Variants in TNRC18 observed in about 807,000 individuals in gnomAD.
TNRC18 encodes the protein trinucleotide repeat-containing gene 18 protein.
A neutral mutation model predicts 226.7 loss-of-function variants in TNRC18; 69 were observed. The observed-to-expected ratio is 0.30, with a 90% CI of 0.25 to 0.37. The LOEUF (loss-of-function observed/expected upper bound fraction) is 0.37. Ranked by LOEUF, TNRC18 falls within the 10% of genes least tolerant of loss-of-function variation. The pLI is 1.00. For synonymous variants in TNRC18, 2,449 were observed against 1,927.6 expected (o/e 1.27, Z -7.09); for missense variants, 4,754 against 4,256.6 (o/e 1.12, Z -3.25).
chr7:5,418,914 T>C (rs1782360161), intron 2 of TNRC18, among the ~76,000 whole-genome samples: 1 of 152,170 alleles, frequency 6.6e-6, no homozygotes, highest in East Asian at 1.9e-4. Flanking sequence ...CGAGGTCTCC[T>C]TGCGGCTACT....
At position 5,374,404 on chromosome 7, in the gene TNRC18, C is replaced by T. The variant is rs1372172143; in HGVS notation, c.2880G>A (p.Lys960=). The change falls in exon 10 of 30, where the codon AAG becomes AAA. Residue 960 remains lysine, a synonymous_variant. Coordinates refer to ENST00000430969, the MANE Select transcript of TNRC18 (RefSeq NM_001080495.3). The part of the protein sequence containing the change: ...GSKRGLEAAG[K]AGLATAGPGL... ...CGGGGCCGGCGGTGGCCAGGCCAGCCTTGCCCGCAGCCTCCAGGCCCCGCT... is the reference window on the plus strand; with the variant it reads ...CGGGGCCGGCGGTGGCCAGGCCAGCTTTGCCCGCAGCCTCCAGGCCCCGCT... 2 of 1,534,400 alleles carry T rather than the reference C, an allele frequency of 1.3e-6. No homozygotes were observed. The highest frequency in any genetic ancestry group is 1.8e-6 in the Non-Finnish European group (2 of 1,140,444).
In TNRC18 at chr7:5,421,366, G is replaced by T; in HGVS notation, c.-120C>A. On this transcript the variant is annotated 5_prime_UTR_variant, in exon 2 of 30. The change creates a premature stop within an existing upstream ORF in the 5' untranslated region. Transcript: ENST00000430969. ...TCGGGCGGCGGGGGCTCCGCGGCGTGCATGGCGGCGGCCAGCGGGGCTTGC... is the reference window on the plus strand; with the variant it reads ...TCGGGCGGCGGGGGCTCCGCGGCGTTCATGGCGGCGGCCAGCGGGGCTTGC... The T allele has an allele frequency of 1.0e-6, 1 of 979,144 alleles. No homozygotes were observed. 60.7% of individuals were successfully genotyped at this position (979,144 alleles called of 1,614,324 possible). A position where few individuals can be genotyped will look rare whatever the true frequency, so the allele number is the denominator to read the frequency against.
At chr7:5,308,752 G>C (rs908722531) in intron 29 of TNRC18, 123 bp downstream of exon 29, 110 of 1,054,270 alleles carry the variant, frequency 1.0e-4, no homozygotes, top group Admixed American at 2.3e-4. Context: ...AGGGACAGGA[G>C]GTCAGAGGCT....
chr7:5,374,198 G>GGGGGGT lies in TNRC18; in HGVS notation c.3085_3086insACCCCC (p.Ser1029delinsTyrProPro). On this transcript the variant is annotated protein_altering_variant, in exon 10 of 30. Coordinates refer to ENST00000430969, the MANE Select transcript of TNRC18 (RefSeq NM_001080495.3). The stretch of plus-strand genomic sequence containing the variant: ...GGCGGGCGGCGGGCTGGTGGGGTGG[G>GGGGGGT]AGCTGGGGGTGGCGGGGTAGGCGTA... 1 of 899,920 alleles carries GGGGGGT rather than the reference G, an allele frequency of 1.1e-6. No homozygotes were observed. Among genetic ancestry groups the GGGGGGT allele is most frequent in the East Asian group, 7.1e-5 (1 of 14,094 alleles). The allele number at this position is 899,920 out of a possible 1,614,324, so 55.7% of individuals were successfully genotyped here. A position where few individuals can be genotyped will look rare whatever the true frequency, so the allele number is the denominator to read the frequency against.
At chr7:5,411,278 A>G (rs966603398) in intron 2 of TNRC18, among the ~76,000 whole-genome samples, 12 of 152,010 alleles carry the variant, frequency 7.9e-5, no homozygotes, top group African/African-American at 2.9e-4. Context: ...TTCATACACA[A>G]AGATCAGCAA....
chr7:5,350,991 T>TA (rs1454766539), intron 17 of TNRC18, among the ~76,000 whole-genome samples: 1 of 152,146 alleles, frequency 6.6e-6, no homozygotes, highest in Non-Finnish European at 1.5e-5. Flanking sequence ...TAATAGTTTT[T>TA]AACCACTGGC....
intron 2 of TNRC18, among the ~76,000 whole-genome samples, chr7:5,415,774 T>C (rs1165264057): frequency 2.6e-5 from 4 of 151,968 alleles, no homozygotes; most frequent in African/African-American, 7.3e-5. Flanking sequence ...CCAGGGAAAG[T>C]TGGCAACTTT....
Position 5,394,383 on chromosome 7 carries a change from G to A in TNRC18, c.343+57C>T. ...AACAGAGGGGCACATGAAGTGGCCA[G>A]AGTGGCTGGGACGTCAGCCCAGCAG... On this transcript the variant is annotated intron_variant, in intron 3 of 29. Transcript: ENST00000430969. The surrounding 1 kb of genome is among the most constrained non-coding windows in gnomAD (Gnocchi z 4.5). 1 of 1,449,900 alleles carries A rather than the reference G, an allele frequency of 6.9e-7. No individual in the cohort carries two copies. Among genetic ancestry groups the A allele is most frequent in the Non-Finnish European group, 9.1e-7 (1 of 1,096,390 alleles). 89.8% of individuals were successfully genotyped at this position (1,449,900 alleles called of 1,614,324 possible).
chr7:5,411,727 GGAGA>G (rs2128219163), intron 2 of TNRC18, among the ~76,000 whole-genome samples: 1 of 152,190 alleles, frequency 6.6e-6, no homozygotes, highest in South Asian at 2.1e-4. Flanking sequence ...CAGACACACA[GGAGA>G]GAGGCAAAGG....
intron 11 of TNRC18, among the ~76,000 whole-genome samples, chr7:5,365,781 A>G (rs1342913382): frequency 6.6e-6 from 1 of 151,648 alleles, no homozygotes; most frequent in African/African-American, 2.4e-5. Flanking sequence ...CTAAAATACC[A>G]ATTTTTGGCT....
chr7:5,328,724 C>T (rs531695844), intron 19 of TNRC18, among the ~76,000 whole-genome samples: 39 of 151,852 alleles, frequency 2.6e-4, no homozygotes, highest in Non-Finnish European at 4.3e-4. Flanking sequence ...ATTGGCTAGG[C>T]TGGTCTCGAA....
chr7:5,355,623 C>A (rs1792281605), intron 16 of TNRC18, among the ~76,000 whole-genome samples: 1 of 152,188 alleles, frequency 6.6e-6, no homozygotes, highest in African/African-American at 2.4e-5. Flanking sequence ...TGGTGGTACA[C>A]AGCTGTAGTC....
intron 2 of TNRC18, among the ~76,000 whole-genome samples, chr7:5,417,644 T>G (rs1310016317): frequency 6.6e-6 from 1 of 152,090 alleles, no homozygotes; most frequent in Non-Finnish European, 1.5e-5. Flanking sequence ...CACTTGGAAA[T>G]TATTTGCTGA....
At chr7:5,373,966 A>G in intron 10 of TNRC18, 89 bp downstream of exon 10, 1 of 1,089,244 alleles carries the variant, frequency 9.2e-7, no homozygotes, top group Non-Finnish European at 1.2e-6. Context: ...GAATGAACGA[A>G]CGATCGAACG....
chr7:5,307,812 T>G lies in TNRC18; in HGVS notation c.*294A>C. On this transcript the variant is annotated 3_prime_UTR_variant, in exon 30 of 30. Coordinates refer to ENST00000430969, the MANE Select transcript of TNRC18 (RefSeq NM_001080495.3). The stretch of plus-strand genomic sequence containing the variant: ...TGGAGGGCCGGCCTGGCCAAGTGCT[T>G]GCAACGTGCTGGGCAGGAAGGGCCG... The G allele has an allele frequency of 2.2e-6, 1 of 463,578 alleles. No individual in the cohort carries two copies. 28.7% of individuals were successfully genotyped at this position (463,578 alleles called of 1,614,324 possible).
At chr7:5,344,015 GAAGA>G (rs964298923) in intron 18 of TNRC18, among the ~76,000 whole-genome samples, 1 of 152,158 alleles carries the variant, frequency 6.6e-6, no homozygotes, top group African/African-American at 2.4e-5. Flanking sequence ...AACAGAGTAA[GAAGA>G]AACAATCTGT....
At position 5,345,440 on chromosome 7, in the gene TNRC18, G is replaced by A. The variant is rs1486344863; in HGVS notation, c.5719+122C>T. ...CACGGGGCTGGCCCACGAGGCTGGG[G>A]TTCTGCCCATTCCCAGCTCTGCACC... On this transcript the variant is annotated intron_variant, in intron 18 of 29. Transcript: ENST00000430969. The A allele has an allele frequency of 4.2e-5, 42 of 1,006,296 alleles. No individual in the cohort carries two copies. In the Admixed American group the frequency reaches 1.1e-3, roughly 27 times the overall value. The allele number at this position is 1,006,296 out of a possible 1,614,324, so 62.3% of individuals were successfully genotyped here. A position where few individuals can be genotyped will look rare whatever the true frequency, so the allele number is the denominator to read the frequency against.
chr7:5,322,938 C>CT (rs1788523824), intron 21 of TNRC18, among the ~76,000 whole-genome samples: 1 of 152,226 alleles, frequency 6.6e-6, no homozygotes, highest in East Asian at 1.9e-4. Context: ...AATGCTGAGC[C>CT]TAGGCCTCGA....
At chr7:5,358,369 G>A (rs1169713237) in intron 15 of TNRC18, among the ~76,000 whole-genome samples, 1 of 152,122 alleles carries the variant, frequency 6.6e-6, no homozygotes, top group East Asian at 1.9e-4. Context: ...CATTTCTTAA[G>A]GAAGAAAAAA....
Sources: gnomAD v4.1 joint callset for allele counts (sites outside exome capture counted in the v4.1 genomes callset) on GRCh38, gnomAD v4.1.1 for gene constraint, Gnocchi (gnomAD v3.1) non-coding constraint, MANE v1.5 for transcripts, NCBI Gene and HGNC (gene_info 2026-07-23, HGNC 2026-07-21) for gene names.